MAP7: variants seen among roughly 807,000 people sequenced by gnomAD.
The protein encoded by MAP7 is ensconsin.
A neutral mutation model predicts 94.8 loss-of-function variants in MAP7; 52 were observed. The observed-to-expected ratio is 0.55, with a 90% CI of 0.44 to 0.69. The LOEUF (loss-of-function observed/expected upper bound fraction) is 0.69. Among genes scored for constraint, MAP7 ranks in the 30% least tolerant of loss-of-function variants. The pLI is 0.00. For missense variants in MAP7, 940 were observed against 964.6 expected, an observed-to-expected ratio of 0.97 and a Z score of 0.34; for synonymous variants, 350 against 357.0, an observed-to-expected ratio of 0.98 and a Z score of 0.22.
At chr6:136,543,309 A>G (rs1005201553) in intron 1 of MAP7, among the ~76,000 whole-genome samples, 3 of 152,234 alleles carry the variant, frequency 2.0e-5, no homozygotes, top group African/African-American at 7.2e-5. Flanking sequence ...AGTGTGCCTG[A>G]ATCTCAAAAA....
intron 1 of MAP7, among the ~76,000 whole-genome samples, chr6:136,467,890 G>A: frequency 6.6e-6 from 1 of 152,138 alleles, no homozygotes; most frequent in Non-Finnish European, 1.5e-5. Context: ...CTCTGAACTA[G>A]CCCCTTTGAG....
chr6:136,503,911 A>G lies in MAP7; in HGVS notation c.67+46431T>C, dbSNP rs1820582681. The stretch of plus-strand genomic sequence containing the variant: ...ATATGCTAAAAGAGAGCACTATAAA[A>G]AGTTACTGCAGCACCGATTTGTAGT... On this transcript the variant is annotated intron_variant, in intron 1 of 17. Coordinates refer to ENST00000354570, the MANE Select transcript of MAP7 (RefSeq NM_003980.6). Among the ~76,000 whole-genome samples, 4 of 152,236 alleles carry G rather than the reference A, an allele frequency of 2.6e-5. No homozygotes were observed. In the South Asian group the frequency reaches 8.3e-4, roughly 32 times the overall value.
At chr6:136,443,816 G>T (rs1221193088) in intron 1 of MAP7, among the ~76,000 whole-genome samples, 1 of 152,058 alleles carries the variant, frequency 6.6e-6, no homozygotes, top group Non-Finnish European at 1.5e-5. Context: ...TGTTAAGGGG[G>T]CTAAAACCTC....
At chr6:136,488,227 G>A (rs970903080) in intron 1 of MAP7, among the ~76,000 whole-genome samples, 1 of 152,102 alleles carries the variant, frequency 6.6e-6, no homozygotes, top group Non-Finnish European at 1.5e-5. Flanking sequence ...TATGGTAGTA[G>A]TGACACTATC....
chr6:136,402,768 C>T (rs1242916049), intron 3 of MAP7, among the ~76,000 whole-genome samples: 3 of 151,306 alleles, frequency 2.0e-5, no homozygotes, highest in Admixed American at 1.3e-4. Context: ...TAGCCGGGTG[C>T]GGTGGCGGGC....
chr6:136,404,503 T>C (rs1785038709), intron 3 of MAP7, among the ~76,000 whole-genome samples: 1 of 152,208 alleles, frequency 6.6e-6, no homozygotes, highest in Non-Finnish European at 1.5e-5. Context: ...ATGATATATC[T>C]TAGCTTTGAA....
chr6:136,512,084 G>A (rs1411643337), intron 1 of MAP7, among the ~76,000 whole-genome samples: 2 of 152,220 alleles, frequency 1.3e-5, no homozygotes, highest in Non-Finnish European at 2.9e-5. Flanking sequence ...ACTAGGCAGG[G>A]TGGTGATTGA....
chr6:136,482,700 A>G (rs1040785440), intron 1 of MAP7, among the ~76,000 whole-genome samples: 16 of 152,122 alleles, frequency 1.1e-4, no homozygotes, highest in Non-Finnish European at 2.4e-4. Flanking sequence ...GGTAGGCACG[A>G]TAAAGAAAAT....
intron 1 of MAP7, among the ~76,000 whole-genome samples, chr6:136,445,201 G>A (rs1377654108): frequency 3.3e-5 from 5 of 152,184 alleles, no homozygotes; most frequent in African/African-American, 9.7e-5. Context: ...CAGATGGCAA[G>A]CCATAAAAAT....
chr6:136,364,624 T>C, intron 10 of MAP7: 1 of 199,164 alleles, frequency 5.0e-6, no homozygotes, highest in South Asian at 8.6e-5. Flanking sequence ...GGTGTGCGAC[T>C]TCTGAGACTG....
chr6:136,456,642 G>A (rs913814494), intron 1 of MAP7, among the ~76,000 whole-genome samples: 8 of 150,292 alleles, frequency 5.3e-5, no homozygotes, highest in African/African-American at 1.5e-4. Context: ...ATAGCATTTC[G>A]GCCTGGGCAA....
intron 1 of MAP7, among the ~76,000 whole-genome samples, chr6:136,468,808 A>G (rs980180996): frequency 1.3e-5 from 2 of 152,190 alleles, no homozygotes; most frequent in Non-Finnish European, 2.9e-5. Flanking sequence ...CTGCTGCAGC[A>G]TCTACCCTCC....
intron 3 of MAP7, among the ~76,000 whole-genome samples, chr6:136,401,794 A>G (rs1784170549): frequency 6.6e-6 from 1 of 151,930 alleles, no homozygotes; most frequent in Non-Finnish European, 1.5e-5. Flanking sequence ...AAAAAAAAAA[A>G]GAAACCCTGT....
intron 1 of MAP7, among the ~76,000 whole-genome samples, chr6:136,477,693 G>T (rs952568663): frequency 6.6e-6 from 1 of 152,156 alleles, no homozygotes; most frequent in Non-Finnish European, 1.5e-5. Context: ...GAGAGAGAAT[G>T]ACACCATTAC....
At chr6:136,366,082 G>C in intron 9 of MAP7, 64 bp from the exon 10 acceptor site, 10 of 1,502,576 alleles carry the variant, frequency 6.7e-6, no homozygotes, top group Non-Finnish European at 9.0e-6. Context: ...CCAGAACCTA[G>C]AACACGACTC....
At chr6:136,465,035 G>A (rs1806500007) in intron 1 of MAP7, among the ~76,000 whole-genome samples, 1 of 152,222 alleles carries the variant, frequency 6.6e-6, no homozygotes, top group African/African-American at 2.4e-5. Flanking sequence ...AACAGGTTCT[G>A]CTCCCACAAC....
At chr6:136,501,048 A>G (rs896279981) in intron 1 of MAP7, among the ~76,000 whole-genome samples, 5 of 152,366 alleles carry the variant, frequency 3.3e-5, no homozygotes, top group Admixed American at 3.3e-4. Flanking sequence ...ATGTTTTACA[A>G]ACTTTCTAAA....
At chr6:136,427,668 C>A (rs916820683) in intron 1 of MAP7, among the ~76,000 whole-genome samples, 1 of 152,306 alleles carries the variant, frequency 6.6e-6, no homozygotes, top group Admixed American at 6.5e-5. Context: ...GATAATGATA[C>A]ATATTTGAGT....
chr6:136,518,613 T>G (rs1825542643), intron 1 of MAP7, among the ~76,000 whole-genome samples: 1 of 152,196 alleles, frequency 6.6e-6, no homozygotes. Flanking sequence ...CTAGATGATC[T>G]GAGAATTAAG....
Sources: gnomAD v4.1 joint callset for allele counts (sites outside exome capture counted in the v4.1 genomes callset) on GRCh38, gnomAD v4.1.1 for gene constraint, MANE v1.5 for transcripts, NCBI Gene and HGNC (gene_info 2026-07-23, HGNC 2026-07-21) for gene names.